The following BIRC6 variants were observed in gnomAD, a reference collection of about 807,000 sequenced individuals.
The protein encoded by BIRC6 is baculoviral IAP repeat containing 6.
In BIRC6, 98 loss-of-function variants were observed where a neutral mutation model predicts 503.3. The ratio of observed to expected loss-of-function variants is 0.19; its 90% CI spans 0.17 to 0.23. The LOEUF is 0.23. Among genes scored for constraint, BIRC6 ranks in the 10% least tolerant of loss-of-function variants. The probability of loss-of-function intolerance (pLI) is 1.00; values close to 1 mark genes in which losing one functional copy is unlikely to be tolerated. For missense variants in BIRC6, 5,360 were observed against 5,806.0 expected (o/e 0.92, Z 2.50); for synonymous variants, 2,240 against 2,078.7 (o/e 1.08, Z -2.11).
chr2:32,512,006 A>G (rs558552888), intron 53 of BIRC6, among the ~76,000 whole-genome samples: 1 of 152,320 alleles, frequency 6.6e-6, no homozygotes, highest in South Asian at 2.1e-4. Context: ...ATTTTTAAAT[A>G]TTGTTGTGGC....
At chr2:32,558,543 T>C (rs2058939695) in intron 65 of BIRC6, 1 of 152,230 alleles carries the variant, frequency 6.6e-6, no homozygotes, top group Non-Finnish European at 1.5e-5. Context: ...AGTTTATCTC[T>C]TAATAAAAGA....
chr2:32,396,519 A>G (rs1253316627), intron 6 of BIRC6, among the ~76,000 whole-genome samples: 1 of 152,178 alleles, frequency 6.6e-6, no homozygotes, highest in East Asian at 1.9e-4. Flanking sequence ...TTCAAGTTGT[A>G]TCTATCTGCA....
At chr2:32,614,415 C>T (rs970982636) in intron 73 of BIRC6, among the ~76,000 whole-genome samples, 3 of 152,222 alleles carry the variant, frequency 2.0e-5, no homozygotes, top group Non-Finnish European at 2.9e-5. Flanking sequence ...CAGTGTCTTG[C>T]TTATATCCGC....
At chr2:32,537,758 A>C (rs1206172843) in intron 61 of BIRC6, among the ~76,000 whole-genome samples, 3 of 152,186 alleles carry the variant, frequency 2.0e-5, no homozygotes, top group South Asian at 4.1e-4. Context: ...CGAGGTCAGG[A>C]GATCGAGACC....
At chr2:32,427,309 T>G (rs1043994910) in intron 10 of BIRC6, among the ~76,000 whole-genome samples, 23 of 151,842 alleles carry the variant, frequency 1.5e-4, no homozygotes, top group Non-Finnish European at 3.2e-4. Context: ...TGAGACAAAG[T>G]CTTGCTCTTG....
intron 44 of BIRC6, among the ~76,000 whole-genome samples, chr2:32,492,945 C>T (rs968624742): frequency 6.6e-6 from 1 of 150,856 alleles, no homozygotes; most frequent in Non-Finnish European, 1.5e-5. Flanking sequence ...TGTTAGAGCA[C>T]ACTTCTACCT....
At chr2:32,447,387 C>G (rs1428062782) in intron 21 of BIRC6, among the ~76,000 whole-genome samples, 1 of 145,030 alleles carries the variant, frequency 6.9e-6, no homozygotes, top group Non-Finnish European at 1.5e-5. Flanking sequence ...GGGGGCTGAT[C>G]CCCCCACCTC....
intron 59 of BIRC6, 176 bp from the exon 60 acceptor site, chr2:32,529,475 G>A: frequency 5.5e-6 from 3 of 543,344 alleles, no homozygotes; most frequent in Non-Finnish European, 9.3e-6. Flanking sequence ...ATTATTATAT[G>A]TCAGAAATAA....
chr2:32,363,517 TCTTA>T (rs1282295549), intron 1 of BIRC6, among the ~76,000 whole-genome samples: 5 of 152,190 alleles, frequency 3.3e-5, no homozygotes, highest in African/African-American at 1.2e-4. Flanking sequence ...TAAGGTGTTC[TCTTA>T]CTTAATTACT....
rs2044039551 is a variant in BIRC6, at chr2:32,431,029, C to A, written c.3187C>A (p.His1063Asn). ...GCAAAGGAGGCATCCTCAACATTTG[C>A]ATCAGCAACACCATGGTGATGCTGC... is the stretch of plus-strand genomic sequence containing the variant. ...QQQRRHPQHL[H>N]QQHHGDAAQH... Residue 1063 changes from histidine (H) to asparagine (N), a missense_variant, in exon 12 of 74, where the codon CAT (histidine) becomes AAT (asparagine). His to Asn is a moderately conservative substitution (Grantham distance 68). This residue lies in a region of BIRC6 where 8 missense variants were observed against 29.3 expected (regional missense o/e 0.27). Coordinates refer to ENST00000421745, the MANE Select transcript of BIRC6 (RefSeq NM_016252.4). 6.2e-7 allele frequency: 1 copy of A among 1,613,376 alleles called. No individual in the cohort carries two copies. The highest frequency in any genetic ancestry group is 1.3e-5 in the African/African-American group (1 of 74,802).
intron 3 of BIRC6, 100 bp from the exon 4 acceptor site, chr2:32,388,650 G>T: frequency 1.2e-6 from 1 of 812,942 alleles, no homozygotes; most frequent in Non-Finnish European, 1.8e-6. Context: ...AAACTGACTT[G>T]AAACTGATGA....
chr2:32,416,261 G>A, intron 10 of BIRC6, 98 bp downstream of exon 10: 1 of 1,238,950 alleles, frequency 8.1e-7, no homozygotes, highest in East Asian at 2.4e-5. Flanking sequence ...TCAAATAGAT[G>A]GGGAGGAATT....
chr2:32,466,757 C>A (rs891490761), intron 26 of BIRC6, among the ~76,000 whole-genome samples: 1 of 152,178 alleles, frequency 6.6e-6, no homozygotes, highest in African/African-American at 2.4e-5. Context: ...TGGTTGATTG[C>A]CTTAACTGTA....
chr2:32,509,342 C>T (rs1027339222), intron 51 of BIRC6, among the ~76,000 whole-genome samples: 1 of 152,112 alleles, frequency 6.6e-6, no homozygotes, highest in Admixed American at 6.6e-5. Flanking sequence ...GCAACTTCTG[C>T]CTCCCGAGTT....
intron 21 of BIRC6, among the ~76,000 whole-genome samples, chr2:32,446,004 T>G (rs1166916463): frequency 1.3e-5 from 2 of 152,034 alleles, no homozygotes; most frequent in Non-Finnish European, 2.9e-5. Context: ...ATTACAGGCA[T>G]GCACCACAGG....
At position 32,453,959 on chromosome 2, in the gene BIRC6, A is replaced by G. The variant is rs1043185059; in HGVS notation, c.4753+17A>G. 1.3e-6 allele frequency: 2 copies of G among 1,595,862 alleles called. No individual in the cohort carries two copies. Among genetic ancestry groups the G allele is most frequent in the Non-Finnish European group, 1.7e-6 (2 of 1,166,800 alleles). On this transcript the variant is annotated intron_variant, in intron 23 of 73. Transcript: ENST00000421745. ...ATGATGCAAGTACGTTTACTGGTAT[A>G]TACCTTCTTTTATTATATACTTTAT... is the stretch of plus-strand genomic sequence containing the variant.
intron 50 of BIRC6, among the ~76,000 whole-genome samples, chr2:32,507,161 G>A (rs1205213875): frequency 6.6e-6 from 1 of 152,118 alleles, no homozygotes; most frequent in Non-Finnish European, 1.5e-5. Flanking sequence ...TGGGCGCAGT[G>A]GGTCACACCT....
intron 66 of BIRC6, among the ~76,000 whole-genome samples, chr2:32,581,684 T>C (rs1029754472): frequency 5.3e-5 from 8 of 152,176 alleles, no homozygotes; most frequent in African/African-American, 7.2e-5. Context: ...CCTTGAAATA[T>C]ATTAGACCAT....
rs2054902362 is a variant in BIRC6, at chr2:32,515,209, T to C, written c.10788T>C (p.Ser3596=). 6.2e-7 allele frequency: 1 copy of C among 1,613,826 alleles called. No individual in the cohort carries two copies. The highest frequency in any genetic ancestry group is 1.3e-5 in the African/African-American group (1 of 74,940). ...QDLSSSLTDD[S]KNAQAPLALT... ...TTAGTTCATCTTTAACAGATGACTC[T>C]AAAAATGCACAAGCACCTCTCGCAT... The change falls in exon 55 of 74, where the codon TCT becomes TCC. Residue 3596 remains serine (S), a synonymous_variant. Coordinates refer to ENST00000421745, the MANE Select transcript of BIRC6 (RefSeq NM_016252.4).
Sources: gnomAD v4.1 joint callset for allele counts (sites outside exome capture counted in the v4.1 genomes callset) on GRCh38, gnomAD v4.1.1 for gene constraint, gnomAD v4.1.1 regional missense constraint, MANE v1.5 for transcripts, NCBI Gene and HGNC (gene_info 2026-07-23, HGNC 2026-07-21) for gene names.